Variants in ZNF184 observed in about 807,000 individuals in gnomAD.
ZNF184 encodes zinc finger protein 184 (Kruppel-like).
In ZNF184, 16 loss-of-function variants were observed where a neutral mutation model predicts 54.4. The ratio of observed to expected loss-of-function variants is 0.29; its 90% CI spans 0.20 to 0.45. ZNF184 has a LOEUF of 0.45. Ranked by LOEUF, ZNF184 falls within the 20% of genes least tolerant of loss-of-function variation. The pLI is 1.00. For missense variants in ZNF184, 681 were observed against 888.2 expected, an observed-to-expected ratio of 0.77 and a Z score of 2.97; for synonymous variants, 254 against 295.3, an observed-to-expected ratio of 0.86 and a Z score of 1.43.
At chr6:27,426,581 C>T in the ZNF184 span, among the ~76,000 whole-genome samples, 1 of 141,828 alleles carries the variant, frequency 7.1e-6, no homozygotes, top group Non-Finnish European at 1.5e-5. The surrounding 1 kb of genome is among the most constrained non-coding windows in gnomAD (Gnocchi z 4.2). Flanking sequence ...TCAAACTCTA[C>T]AATTTTCAAT....
At chr6:27,414,303 A>C in the ZNF184 span, among the ~76,000 whole-genome samples, 1 of 152,164 alleles carries the variant, frequency 6.6e-6, no homozygotes, top group African/African-American at 2.4e-5. Flanking sequence ...TTTTCAACAC[A>C]GTAGCCAGAA....
rs140802400 is a variant in ZNF184 at position 27,466,703 on chromosome 6, C to G, written c.75+1150G>C. ...AAAAAAAAAAATACCAAAAGTACTT[C>G]GGCTGAAAGTGGGAAGAACTGGTAC... is the stretch of plus-strand genomic sequence containing the variant. On this transcript the variant is annotated intron_variant, in intron 3 of 5. Coordinates refer to ENST00000683788, the MANE Select transcript of ZNF184 (RefSeq NM_001318891.2). 4.5e-4 allele frequency among the ~76,000 whole-genome samples: 69 copies of G among 151,946 alleles called. 1 individual carries two copies. Among genetic ancestry groups the G allele is most frequent in the African/African-American group, 1.6e-3 (65 of 41,436 alleles).
chr6:27,414,954 C>A, the ZNF184 span, among the ~76,000 whole-genome samples: 2 of 152,136 alleles, frequency 1.3e-5, no homozygotes, highest in Non-Finnish European at 2.9e-5. Flanking sequence ...TGACCCTGGG[C>A]AAATCATTTA....
chr6:27,452,131 G>A lies in ZNF184; in HGVS notation c.1428C>T (p.Cys476=), dbSNP rs555014268. The stretch of plus-strand genomic sequence containing the variant: ...AACTGAAGGCCTTTCCACATTCATT[G>A]CATTTGTAAGGTTTTTCTCCAGTAT... The part of the protein sequence containing the change: ...KIHTGEKPYK[C]NECGKAFSYC... Residue 476 remains cysteine, a synonymous_variant, in exon 6 of 6, where the codon TGC becomes TGT. Transcript: ENST00000683788. The surrounding 1 kb of genome is among the most constrained non-coding windows in gnomAD (Gnocchi z 5.5). The A allele has an allele frequency of 1.2e-6, 2 of 1,613,928 alleles. No individual in the cohort carries two copies. The highest frequency in any genetic ancestry group is 1.7e-5 in the Admixed American group (1 of 60,002).
chr6:27,420,864 A>C, the ZNF184 span, among the ~76,000 whole-genome samples: 1 of 152,248 alleles, frequency 6.6e-6, no homozygotes, highest in African/African-American at 2.4e-5. Flanking sequence ...TCAGTAGGTG[A>C]ATGTATAAAC....
At chr6:27,462,344 C>T (rs994062857) in intron 3 of ZNF184, among the ~76,000 whole-genome samples, 3 of 151,666 alleles carry the variant, frequency 2.0e-5, no homozygotes, top group Non-Finnish European at 4.4e-5. Context: ...ACCGCAGGTG[C>T]CCGCCACCAC....
the ZNF184 span, among the ~76,000 whole-genome samples, chr6:27,442,822 GAAAGAA>G: frequency 8.8e-5 from 2 of 22,688 alleles, no homozygotes; most frequent in African/African-American, 5.6e-4. Flanking sequence ...GAGAAAGAAA[GAAAGAA>G]AGAAAGAAAG....
chr6:27,407,039 C>G, the ZNF184 span: 92,723 of 152,460 alleles, frequency 0.61, 28,882 homozygotes, highest in Middle Eastern at 0.78. Context: ...CTGCCACTGG[C>G]TACCACAGCC....
At chr6:27,415,760 G>C in the ZNF184 span, among the ~76,000 whole-genome samples, 1 of 152,116 alleles carries the variant, frequency 6.6e-6, no homozygotes, top group Non-Finnish European at 1.5e-5. Flanking sequence ...TGGAATCCTG[G>C]TTCTGTCATA....
the ZNF184 span, chr6:27,408,063 T>A: frequency 1.3e-5 from 11 of 832,086 alleles, no homozygotes; most frequent in African/African-American, 1.8e-4. Context: ...AATACTTTGA[T>A]AATGCAAATT....
rs1763303279 is a variant in ZNF184, at chr6:27,472,510, G to GCC, written c.-139-78_-139-77insGG. On this transcript the variant is annotated intron_variant, in intron 1 of 5. Coordinates refer to ENST00000683788, the MANE Select transcript of ZNF184 (RefSeq NM_001318891.2). The surrounding 1 kb of genome is among the most constrained non-coding windows in gnomAD (Gnocchi z 4.8). ...GAGTCTTGCAAAGTGACCAAGAGGT[G>GCC]CTACACAAGAGAAGTGCCCCAAGAG... The GCC allele has an allele frequency of 3.4e-6, 2 of 582,678 alleles. No homozygotes were observed. The highest frequency in any genetic ancestry group is 3.7e-5 in the African/African-American group (2 of 53,836). The allele number at this position is 582,678 out of a possible 1,614,324, so 36.1% of individuals were successfully genotyped here.
intron 3 of ZNF184, among the ~76,000 whole-genome samples, chr6:27,465,511 C>CAAAAAAAAAAAAAAAAAAAAAAAAAAAA (rs1345135612): frequency 1.1e-5 from 1 of 88,444 alleles, no homozygotes. Flanking sequence ...AAAAAAAAAG[C>CAAAAAAAAAAAAAAAAAAAAAAAAAAAA]AAAACCCAAC....
intron 3 of ZNF184, among the ~76,000 whole-genome samples, chr6:27,462,988 A>C (rs1248919110): frequency 6.6e-6 from 1 of 151,768 alleles, no homozygotes; most frequent in Non-Finnish European, 1.5e-5. Flanking sequence ...CAAGAACATC[A>C]AAAGTTTTTA....
the ZNF184 span, among the ~76,000 whole-genome samples, chr6:27,427,721 G>C: frequency 6.6e-6 from 1 of 152,144 alleles, no homozygotes; most frequent in Non-Finnish European, 1.5e-5. Flanking sequence ...ACAAACTAAT[G>C]TGTCCAAAAA....
chr6:27,429,822 G>T, the ZNF184 span, among the ~76,000 whole-genome samples: 1 of 152,098 alleles, frequency 6.6e-6, no homozygotes, highest in African/African-American at 2.4e-5. Context: ...GTTTGGCTCG[G>T]CCTAAGAATT....
the ZNF184 span, among the ~76,000 whole-genome samples, chr6:27,442,814 G>GAA: frequency 0.15 from 975 of 6,496 alleles, 105 homozygotes; most frequent in Admixed American, 0.26. Context: ...GAAAGAAAGA[G>GAA]AAAGAAAGAA....
chr6:27,435,677 T>C, the ZNF184 span, among the ~76,000 whole-genome samples: 2 of 152,240 alleles, frequency 1.3e-5, no homozygotes, highest in African/African-American at 2.4e-5. Context: ...AATAATGTGT[T>C]GTAAATTCTG....
At chr6:27,406,484 T>C in the ZNF184 span, 6 of 152,358 alleles carry the variant, frequency 3.9e-5, no homozygotes, top group South Asian at 1.0e-3. Context: ...AGTCCATATA[T>C]GGCCTTTGGT....
chr6:27,441,304 C>T, the ZNF184 span, among the ~76,000 whole-genome samples: 1 of 152,212 alleles, frequency 6.6e-6, no homozygotes, highest in Admixed American at 6.5e-5. Flanking sequence ...CAACCTCCAC[C>T]TCCCAGGTTC....
Sources: allele counts gnomAD v4.1 joint callset (sites outside exome capture counted in the v4.1 genomes callset), GRCh38; gene constraint gnomAD v4.1.1; non-coding constraint Gnocchi (gnomAD v3.1); transcripts MANE v1.5; gene names NCBI Gene and HGNC (gene_info 2026-07-23, HGNC 2026-07-21).